Variants in PCDHGA9 observed in about 807,000 individuals in gnomAD.
PCDHGA9 encodes protocadherin gamma-A9.
Under a neutral mutation model 62.5 loss-of-function variants are expected in PCDHGA9, and 37 were observed. That is an observed-to-expected ratio of 0.59 (90% CI 0.46 to 0.78). The LOEUF is 0.78. PCDHGA9 is among the 30% of genes least tolerant of loss of function. The pLI is 0.00. For missense variants in PCDHGA9, 1,138 were observed against 1,166.2 expected (o/e 0.98, Z 0.35); for synonymous variants, 459 against 484.6 (o/e 0.95, Z 0.69).
At chr5:141,480,894 C>CA (rs1235468010) in intron 1 of PCDHGA9, among the ~76,000 whole-genome samples, 15 of 151,848 alleles carry the variant, frequency 9.9e-5, no homozygotes, top group African/African-American at 3.4e-4. Context: ...AAAATGCAAA[C>CA]ATTAGCTGGG....
chr5:141,415,606 G>A lies in PCDHGA9; in HGVS notation c.2424+10230G>A. On this transcript the variant is annotated intron_variant, in intron 1 of 3. Transcript: ENST00000573521. ...GTTTCCTATAGAGGATACCCCATTG[G>A]TTCCAGTGAGTTTTATTTTCATTTT... The A allele has an allele frequency of 1.2e-6, 2 of 1,612,910 alleles. 1 individual carries two copies. Among genetic ancestry groups the A allele is most frequent in the East Asian group, 4.5e-5 (2 of 44,866 alleles).
intron 1 of PCDHGA9, chr5:141,427,047 C>T (rs1196561600): frequency 1.1e-5 from 5 of 457,294 alleles, no homozygotes; most frequent in Non-Finnish European, 1.8e-5. Flanking sequence ...GAATGTGCCC[C>T]CAGGCACCTC....
rs1328476453 is a variant in PCDHGA9, at chr5:141,431,444, C to T, written c.2424+26068C>T. 4.3e-6 allele frequency: 7 copies of T among 1,613,732 alleles called. No homozygotes were observed. The highest frequency in any genetic ancestry group is 5.9e-6 in the Non-Finnish European group (7 of 1,180,022). On this transcript the variant is annotated intron_variant, in intron 1 of 3. Transcript: ENST00000573521. The surrounding 1 kb of genome is among the most constrained non-coding windows in gnomAD (Gnocchi z 4.8). ...GGTGCGCACAGGCACCGCGCGCATCCGCGTGATGGTTCTGGATGCGAACGA... is the reference window on the plus strand; with the variant it reads ...GGTGCGCACAGGCACCGCGCGCATCTGCGTGATGGTTCTGGATGCGAACGA...
chr5:141,460,277 A>C (rs2154566827), intron 1 of PCDHGA9, among the ~76,000 whole-genome samples: 1 of 152,124 alleles, frequency 6.6e-6, no homozygotes, highest in African/African-American at 2.4e-5. Context: ...TTTCTTTTAT[A>C]GTTTGTATTT....
At position 141,489,733 on chromosome 5, in the gene PCDHGA9, A is replaced by C; in HGVS notation, c.2425-5074A>C. ...TGCCCAGGATCCGGATGTGGGCACC[A>C]ATACTGTGAGCTTTTACACTCTAAG... On this transcript the variant is annotated intron_variant, in intron 1 of 3. Coordinates refer to ENST00000573521, the MANE Select transcript of PCDHGA9 (RefSeq NM_018921.3). This position sits in a 1 kb window ranked among gnomAD's most constrained non-coding sequence, Gnocchi z 4.5. 1 of 1,614,168 alleles carries C rather than the reference A, an allele frequency of 6.2e-7. No individual in the cohort carries two copies. The highest frequency in any genetic ancestry group is 1.1e-5 in the South Asian group (1 of 91,078).
chr5:141,476,158 G>A lies in PCDHGA9; in HGVS notation c.2425-18649G>A. 2 of 1,612,868 alleles carry A rather than the reference G, an allele frequency of 1.2e-6. No homozygotes were observed. Among genetic ancestry groups the A allele is most frequent in the Non-Finnish European group, 1.7e-6 (2 of 1,179,894 alleles). On this transcript the variant is annotated intron_variant, in intron 1 of 3. Transcript: ENST00000573521. The surrounding 1 kb of genome is among the most constrained non-coding windows in gnomAD (Gnocchi z 7.6). ...GGAGGAGCGGACTGGTAAGCACCGGGAGGGTAGTGGGAGTTTTGCTTCTGC... is the reference window on the plus strand; with the variant it reads ...GGAGGAGCGGACTGGTAAGCACCGGAAGGGTAGTGGGAGTTTTGCTTCTGC...
intron 1 of PCDHGA9, chr5:141,420,193 A>G: frequency 6.2e-7 from 1 of 1,613,766 alleles, no homozygotes; most frequent in South Asian, 1.1e-5. Context: ...CAGCCACACA[A>G]GATAACCTCA....
chr5:141,420,047 G>T lies in PCDHGA9; in HGVS notation c.2424+14671G>T. ...TACTGCAGGAGACTGCTTTGAGTCA[G>T]TTCTCTGCTCCAAGTCCGGACCTGT... On this transcript the variant is annotated intron_variant, in intron 1 of 3. Coordinates refer to ENST00000573521, the MANE Select transcript of PCDHGA9 (RefSeq NM_018921.3). 3 of 1,614,076 alleles carry T rather than the reference G, an allele frequency of 1.9e-6. No individual in the cohort carries two copies. The South Asian group carries it at 3.3e-5, about 18-fold the overall frequency.
At chr5:141,482,761 ATT>A (rs2099571906) in intron 1 of PCDHGA9, among the ~76,000 whole-genome samples, 1 of 127,370 alleles carries the variant, frequency 7.9e-6, no homozygotes, top group Admixed American at 7.7e-5. Flanking sequence ...ATGGTATTTC[ATT>A]ATCACTGAAC....
rs769671283 is a variant in PCDHGA9, at chr5:141,511,391, C to A, written c.*218C>A. 1 of 1,079,748 alleles carries A rather than the reference C, an allele frequency of 9.3e-7. No homozygotes were observed. The allele number at this position is 1,079,748 out of a possible 1,614,324, so 66.9% of individuals were successfully genotyped here. On this transcript the variant is annotated 3_prime_UTR_variant, in exon 4 of 4. Transcript: ENST00000573521. ...TGCAAAAGCAGTTCCGCTGGGAACC[C>A]CCATCCAATCAACTGCTGTACCCAT...
chr5:141,489,284 T>A lies in PCDHGA9; in HGVS notation c.2425-5523T>A. On this transcript the variant is annotated intron_variant, in intron 1 of 3. Transcript: ENST00000573521. This position sits in a 1 kb window ranked among gnomAD's most constrained non-coding sequence, Gnocchi z 4.5. ...CCACAGCTCGCTGGGAAATGGCAAG[T>A]GCTGTGCATGTTGTCCTTGTGCTGC... The A allele has an allele frequency of 6.4e-7, 1 of 1,570,016 alleles. No homozygotes were observed. The highest frequency in any genetic ancestry group is 2.2e-5 in the East Asian group (1 of 44,588).
At position 141,485,413 on chromosome 5, in the gene PCDHGA9, C is replaced by T; in HGVS notation, c.2425-9394C>T. ...AAAGACACTTCCGTGTGGATTTGGA[C>T]AGCGGAGCCCTGCTCATCAAGAACC... On this transcript the variant is annotated intron_variant, in intron 1 of 3. Transcript: ENST00000573521. The surrounding 1 kb of genome is among the most constrained non-coding windows in gnomAD (Gnocchi z 5.7). The T allele has an allele frequency of 6.2e-7, 1 of 1,614,158 alleles. No individual in the cohort carries two copies. The highest frequency in any genetic ancestry group is 8.5e-7 in the Non-Finnish European group (1 of 1,180,030).
At chr5:141,416,929 C>T (rs1184470714) in intron 1 of PCDHGA9, 1 of 151,960 alleles carries the variant, frequency 6.6e-6, no homozygotes. Flanking sequence ...TAGTTATTAA[C>T]TATTAAACCA....
chr5:141,449,528 G>C (rs1298713821), intron 1 of PCDHGA9, among the ~76,000 whole-genome samples: 1 of 149,040 alleles, frequency 6.7e-6, no homozygotes, highest in African/African-American at 2.5e-5. Context: ...GGCGGAGGTT[G>C]CAGTGAGCCG....
intron 1 of PCDHGA9, among the ~76,000 whole-genome samples, chr5:141,494,447 G>C (rs1413012155): frequency 6.6e-6 from 1 of 152,118 alleles, no homozygotes. Context: ...GCCACTTTAG[G>C]GGGCTTTGTC....
At position 141,491,700 on chromosome 5, in the gene PCDHGA9, G is replaced by A. The variant is rs1199177466; in HGVS notation, c.2425-3107G>A. 3.1e-6 allele frequency: 5 copies of A among 1,611,830 alleles called. No homozygotes were observed. The highest frequency in any genetic ancestry group is 4.2e-6 in the Non-Finnish European group (5 of 1,179,142). On this transcript the variant is annotated intron_variant, in intron 1 of 3. Coordinates refer to ENST00000573521, the MANE Select transcript of PCDHGA9 (RefSeq NM_018921.3). The surrounding 1 kb of genome is among the most constrained non-coding windows in gnomAD (Gnocchi z 6.9). ...CTAATACGCTGCGGGAGCGGAGCCA[G>A]GTGAGGGGCTCGGCGCCGCCCCGGG...
At chr5:141,497,245 G>T (rs779763574) in intron 2 of PCDHGA9, among the ~76,000 whole-genome samples, 2 of 152,138 alleles carry the variant, frequency 1.3e-5, no homozygotes, top group Non-Finnish European at 2.9e-5. Flanking sequence ...TCTAGGAGGA[G>T]GTGACATTGA....
At chr5:141,406,025 G>A (rs1367856742) in intron 1 of PCDHGA9, among the ~76,000 whole-genome samples, 1 of 151,502 alleles carries the variant, frequency 6.6e-6, no homozygotes, top group Non-Finnish European at 1.5e-5. Flanking sequence ...TTTTGGGTAG[G>A]GTTGCTTCAT....
At chr5:141,419,475 C>G (rs775720158) in intron 1 of PCDHGA9, 2 of 1,612,266 alleles carry the variant, frequency 1.2e-6, no homozygotes, top group Admixed American at 1.7e-5. Context: ...GACCAGGGCT[C>G]GCCCGCGCTC....
Sources: allele counts gnomAD v4.1 joint callset (sites outside exome capture counted in the v4.1 genomes callset), GRCh38; gene constraint gnomAD v4.1.1; non-coding constraint Gnocchi (gnomAD v3.1); transcripts MANE v1.5; gene names NCBI Gene and HGNC (gene_info 2026-07-23, HGNC 2026-07-21).